TMEM108: variants seen among roughly 807,000 people sequenced by gnomAD.
The protein encoded by TMEM108 is cancer/testis antigen 124.
Under a neutral mutation model 35.1 loss-of-function variants are expected in TMEM108, and 12 were observed. The observed-to-expected ratio is 0.34, with a 90% CI of 0.22 to 0.55. The LOEUF is 0.55. Among genes scored for constraint, TMEM108 ranks in the 20% least tolerant of loss-of-function variants. The pLI is 0.89. For synonymous variants in TMEM108, 287 were observed against 308.6 expected (o/e 0.93, Z 0.73); for missense variants, 680 against 753.3 (o/e 0.90, Z 1.14).
intron 2 of TMEM108, among the ~76,000 whole-genome samples, chr3:133,090,441 G>A (rs79586932): frequency 0.031 from 4,689 of 152,338 alleles, 131 homozygotes; most frequent in South Asian, 0.065. Flanking sequence ...TAATAGGGGC[G>A]TGAGGCCCTT....
At chr3:133,328,740 G>A (rs532250779) in intron 3 of TMEM108, among the ~76,000 whole-genome samples, 34 of 152,178 alleles carry the variant, frequency 2.2e-4, no homozygotes, top group Non-Finnish European at 4.3e-4. Context: ...GAGAACAGTG[G>A]ATGGTGGAAC....
At chr3:133,057,563 G>T (rs1559818521) in intron 2 of TMEM108, among the ~76,000 whole-genome samples, 1 of 149,570 alleles carries the variant, frequency 6.7e-6, no homozygotes, top group Non-Finnish European at 1.5e-5. Context: ...ATAACTGTTG[G>T]GGTTCTTCTG....
chr3:133,275,338 T>G (rs1055693248), intron 3 of TMEM108, among the ~76,000 whole-genome samples: 1 of 152,240 alleles, frequency 6.6e-6, no homozygotes, highest in South Asian at 2.1e-4. Context: ...AAATTGATTT[T>G]AATAATATAT....
intron 2 of TMEM108, among the ~76,000 whole-genome samples, chr3:133,139,322 A>G (rs888526804): frequency 6.6e-6 from 1 of 152,184 alleles, no homozygotes; most frequent in Non-Finnish European, 1.5e-5. Context: ...ACAAAGGGAT[A>G]ATATCCAGAA....
chr3:133,287,470 G>C (rs145136641), intron 3 of TMEM108, among the ~76,000 whole-genome samples: 211 of 152,250 alleles, frequency 1.4e-3, no homozygotes, highest in South Asian at 0.012. Context: ...CTCTTCTGTA[G>C]GTTGTCCTGG....
intron 3 of TMEM108, among the ~76,000 whole-genome samples, chr3:133,368,298 T>C (rs1033497146): frequency 6.6e-6 from 1 of 152,242 alleles, no homozygotes; most frequent in Non-Finnish European, 1.5e-5. Flanking sequence ...TATTTCCTGC[T>C]GCTGTCATCA....
At chr3:133,241,907 C>T (rs1946319414) in intron 3 of TMEM108, among the ~76,000 whole-genome samples, 1 of 152,128 alleles carries the variant, frequency 6.6e-6, no homozygotes, top group African/African-American at 2.4e-5. Flanking sequence ...AGCCACCACC[C>T]CCGGCCTCCT....
chr3:133,080,105 A>G (rs1943790595), intron 2 of TMEM108, among the ~76,000 whole-genome samples: 1 of 152,050 alleles, frequency 6.6e-6, no homozygotes, highest in African/African-American at 2.4e-5. Context: ...TGCTAAAGTG[A>G]GCTGCCTAAG....
intron 2 of TMEM108, among the ~76,000 whole-genome samples, chr3:133,207,269 G>A (rs879725923): frequency 6.6e-6 from 1 of 152,110 alleles, no homozygotes; most frequent in Non-Finnish European, 1.5e-5. Flanking sequence ...TCCCAGGTGA[G>A]GTGACGCCCC....
chr3:133,071,102 T>C (rs1943670610), intron 2 of TMEM108, among the ~76,000 whole-genome samples: 1 of 152,158 alleles, frequency 6.6e-6, no homozygotes. Flanking sequence ...TTGGAAATAA[T>C]TTCAGGATTT....
chr3:133,070,837 A>C (rs1256696697), intron 2 of TMEM108, among the ~76,000 whole-genome samples: 1 of 151,812 alleles, frequency 6.6e-6, no homozygotes, highest in Non-Finnish European at 1.5e-5. Context: ...TCGCATTCTG[A>C]GCTGAAGATG....
At chr3:133,179,109 C>G (rs1375271721) in intron 2 of TMEM108, among the ~76,000 whole-genome samples, 1 of 151,618 alleles carries the variant, frequency 6.6e-6, no homozygotes, top group Non-Finnish European at 1.5e-5. Flanking sequence ...CAATGAGATA[C>G]CATCTCACAC....
intron 3 of TMEM108, among the ~76,000 whole-genome samples, chr3:133,236,092 A>C (rs1175910969): frequency 1.3e-5 from 2 of 152,158 alleles, no homozygotes; most frequent in Admixed American, 1.3e-4. Flanking sequence ...ATATCTATTC[A>C]AATCAGAATA....
intron 2 of TMEM108, among the ~76,000 whole-genome samples, chr3:133,176,610 T>C (rs983721997): frequency 1.6e-4 from 25 of 152,182 alleles, no homozygotes; most frequent in African/African-American, 5.8e-4. Flanking sequence ...AGATGTTCTT[T>C]GAAACCAACG....
intron 2 of TMEM108, among the ~76,000 whole-genome samples, chr3:133,198,932 C>G (rs924359402): frequency 1.3e-4 from 20 of 152,202 alleles, no homozygotes; most frequent in Non-Finnish European, 7.3e-5. Flanking sequence ...GTACACCAAT[C>G]AGACGTAGAT....
rs28804722 is a variant in TMEM108 at position 133,178,254 on chromosome 3, A to T, written c.-46-51012A>T. The stretch of plus-strand genomic sequence containing the variant: ...CCATACTGCCCAAGGTAATTTATAG[A>T]TTCAATGCCATCCCCATCAAGCTGC... On this transcript the variant is annotated intron_variant, in intron 2 of 5. Coordinates refer to ENST00000321871, the MANE Select transcript of TMEM108 (RefSeq NM_023943.4). 6.0e-3 allele frequency among the ~76,000 whole-genome samples: 914 copies of T among 152,320 alleles called. 8 individuals carry two copies. The highest frequency in any genetic ancestry group is 0.021 in the African/African-American group (870 of 41,564).
intron 3 of TMEM108, among the ~76,000 whole-genome samples, chr3:133,335,650 G>A (rs1164375108): frequency 6.6e-6 from 1 of 152,166 alleles, no homozygotes; most frequent in African/African-American, 2.4e-5. Context: ...AGAGCAAAAT[G>A]ATCAAATAGA....
At chr3:133,072,012 G>A (rs1205550233) in intron 2 of TMEM108, among the ~76,000 whole-genome samples, 4 of 152,132 alleles carry the variant, frequency 2.6e-5, no homozygotes, top group Non-Finnish European at 5.9e-5. Context: ...TGTAAGACAA[G>A]CGTCCAACTT....
At chr3:133,290,104 A>G (rs1947041755) in intron 3 of TMEM108, among the ~76,000 whole-genome samples, 2 of 150,220 alleles carry the variant, frequency 1.3e-5, no homozygotes, top group Admixed American at 1.4e-4. Context: ...GCATCCTATT[A>G]GATTGTGGTA....
Sources: gnomAD v4.1 joint callset for allele counts (sites outside exome capture counted in the v4.1 genomes callset) on GRCh38, gnomAD v4.1.1 for gene constraint, MANE v1.5 for transcripts, NCBI Gene and HGNC (gene_info 2026-07-23, HGNC 2026-07-21) for gene names.